PCTP: variants seen among roughly 807,000 people sequenced by gnomAD.
PCTP encodes the protein START domain-containing protein 2.
Under a neutral mutation model 31.0 loss-of-function variants are expected in PCTP, and 27 were observed. The observed-to-expected ratio is 0.87, with a 90% CI of 0.64 to 1.20. The LOEUF is 1.20. Among genes scored for constraint, PCTP ranks in the 50% most tolerant of loss-of-function variants. The probability of loss-of-function intolerance (pLI) is 0.00; values close to 1 mark genes in which losing one functional copy is unlikely to be tolerated. For missense variants in PCTP, 287 were observed against 268.2 expected, an observed-to-expected ratio of 1.07 and a Z score of -0.49; for synonymous variants, 108 against 101.2, an observed-to-expected ratio of 1.07 and a Z score of -0.40.
downstream of PCTP, among the ~76,000 whole-genome samples, chr17:55,845,139 C>A (rs1413659947): frequency 7.1e-6 from 1 of 141,058 alleles, no homozygotes; most frequent in Non-Finnish European, 1.5e-5. Flanking sequence ...TTTAGCACAG[C>A]TTCTGACGTG....
At chr17:55,758,428 C>G (rs929448965) in intron 1 of PCTP, among the ~76,000 whole-genome samples, 5 of 152,136 alleles carry the variant, frequency 3.3e-5, no homozygotes, top group Non-Finnish European at 5.9e-5. Context: ...AAACACAGAT[C>G]CATCTCACAG....
chr17:55,756,929 C>T (rs1463372096), intron 1 of PCTP, among the ~76,000 whole-genome samples: 1 of 152,142 alleles, frequency 6.6e-6, no homozygotes, highest in Admixed American at 6.5e-5. Flanking sequence ...GGCCAGGGGC[C>T]AGGCCCTACT....
chr17:55,833,764 A>T (rs762025742), intron 5 of PCTP, among the ~76,000 whole-genome samples: 5 of 152,184 alleles, frequency 3.3e-5, no homozygotes, highest in Non-Finnish European at 7.3e-5. Context: ...ATTTAGAAGC[A>T]ATTGGAATAT....
chr17:55,813,063 G>A (rs544649549), intron 3 of PCTP, among the ~76,000 whole-genome samples: 167 of 152,250 alleles, frequency 1.1e-3, no homozygotes, highest in Non-Finnish European at 2.1e-3. Flanking sequence ...TACCAAAGGG[G>A]TTGGGTTGTG....
intron 1 of PCTP, among the ~76,000 whole-genome samples, chr17:55,754,832 C>G (rs1163145897): frequency 6.6e-6 from 1 of 152,100 alleles, no homozygotes; most frequent in African/African-American, 2.4e-5. Context: ...TGGATAGAAA[C>G]CTGTGTGCGC....
intron 3 of PCTP, among the ~76,000 whole-genome samples, chr17:55,802,140 C>T (rs1333182012): frequency 6.6e-6 from 1 of 152,178 alleles, no homozygotes; most frequent in Non-Finnish European, 1.5e-5. Flanking sequence ...TTCCTGGACA[C>T]ATACACACTC....
intron 3 of PCTP, among the ~76,000 whole-genome samples, chr17:55,809,608 C>T (rs1398783297): frequency 2.6e-5 from 4 of 151,396 alleles, no homozygotes; most frequent in African/African-American, 4.9e-5. Flanking sequence ...CTGCAACCTC[C>T]GCTTCCCGGG....
intron 3 of PCTP, among the ~76,000 whole-genome samples, chr17:55,809,626 G>A (rs994021170): frequency 2.0e-5 from 3 of 151,554 alleles, no homozygotes; most frequent in East Asian, 3.9e-4. Context: ...GGGTTCAAGC[G>A]ATTATCCTGC....
At chr17:55,756,868 A>G (rs1394969335) in intron 1 of PCTP, among the ~76,000 whole-genome samples, 1 of 152,130 alleles carries the variant, frequency 6.6e-6, no homozygotes, top group Non-Finnish European at 1.5e-5. Context: ...CTCATTTTCC[A>G]GGAGGAGCCA....
intron 3 of PCTP, among the ~76,000 whole-genome samples, chr17:55,814,726 G>C (rs1446799952): frequency 6.6e-6 from 1 of 152,176 alleles, no homozygotes; most frequent in Non-Finnish European, 1.5e-5. Flanking sequence ...TGCTCTCTCT[G>C]CATGTCCCAG....
downstream of PCTP, among the ~76,000 whole-genome samples, chr17:55,826,086 A>G (rs147684772): frequency 8.0e-4 from 122 of 152,366 alleles, no homozygotes; most frequent in Non-Finnish European, 1.5e-3. Context: ...AAGTGTAAGT[A>G]GCAAAGCTGG....
At chr17:55,759,480 C>G (rs1910224871) in intron 1 of PCTP, among the ~76,000 whole-genome samples, 1 of 152,148 alleles carries the variant, frequency 6.6e-6, no homozygotes, top group Non-Finnish European at 1.5e-5. Flanking sequence ...TTGACTTCTG[C>G]CATTAGAACT....
chr17:55,791,221 T>A (rs566169478), intron 3 of PCTP, among the ~76,000 whole-genome samples: 95 of 152,066 alleles, frequency 6.2e-4, no homozygotes, highest in Non-Finnish European at 1.2e-3. Context: ...AACCTAGGCA[T>A]TACCATTCAG....
downstream of PCTP, among the ~76,000 whole-genome samples, chr17:55,779,882 G>C (rs1249488019): frequency 1.3e-5 from 2 of 152,092 alleles, no homozygotes; most frequent in Non-Finnish European, 2.9e-5. Flanking sequence ...GGAGGGAGGG[G>C]ACCACCCATG....
intron 1 of PCTP, among the ~76,000 whole-genome samples, chr17:55,752,608 T>A (rs1000259493): frequency 6.6e-6 from 1 of 152,254 alleles, no homozygotes; most frequent in Non-Finnish European, 1.5e-5. Context: ...TTAGTGGGAC[T>A]GTAAAACATG....
At chr17:55,754,327 A>G (rs1342868399) in intron 1 of PCTP, among the ~76,000 whole-genome samples, 1 of 152,196 alleles carries the variant, frequency 6.6e-6, no homozygotes, top group Non-Finnish European at 1.5e-5. Flanking sequence ...CAATTAATTT[A>G]CTAGAGAGGC....
At chr17:55,757,686 C>A (rs147163559) in intron 1 of PCTP, among the ~76,000 whole-genome samples, 2 of 152,072 alleles carry the variant, frequency 1.3e-5, no homozygotes, top group East Asian at 3.9e-4. Context: ...CTTTTTTATG[C>A]ATTATATTTC....
Position 55,774,827 on chromosome 17 carries a change from A to T in PCTP, c.547A>T (p.Ile183Phe). 1 of 1,452,778 alleles carries T rather than the reference A, an allele frequency of 6.9e-7. No individual in the cohort carries two copies. The highest frequency in any genetic ancestry group is 9.2e-7 in the Non-Finnish European group (1 of 1,082,324). The allele number at this position is 1,452,778 out of a possible 1,614,324, so 90.0% of individuals were successfully genotyped here. ...MYYFDNPGGQ[I>F]PSWLINWAAK... ...TTACTTCGATAACCCGGGTGGCCAA[A>T]TTCCGTCCTGGCTCATTAACTGGGC... The change falls in exon 5 of 6, where the codon ATT becomes TTT. Residue 183 changes from isoleucine (I) to phenylalanine (F), a missense_variant. Transcript: ENST00000268896.
At chr17:55,852,063 T>A in the PCTP span, among the ~76,000 whole-genome samples, 1 of 152,250 alleles carries the variant, frequency 6.6e-6, no homozygotes, top group African/African-American at 2.4e-5. Flanking sequence ...TTTTGCAATT[T>A]ATTTTTTTAC....
Sources: gnomAD v4.1 joint callset for allele counts (sites outside exome capture counted in the v4.1 genomes callset) on GRCh38, gnomAD v4.1.1 for gene constraint, MANE v1.5 for transcripts, NCBI Gene and HGNC (gene_info 2026-07-23, HGNC 2026-07-21) for gene names.